Variants in CERS1 observed in about 807,000 individuals in gnomAD.
CERS1 encodes ceramide synthase 1, also known as Embryonic growth/differentiation factor 1.
Under a neutral mutation model 35.7 loss-of-function variants are expected in CERS1, and 16 were observed. The ratio of observed to expected loss-of-function variants is 0.45; its 90% CI spans 0.30 to 0.68. The LOEUF (loss-of-function observed/expected upper bound fraction) is 0.68. Ranked by LOEUF, CERS1 falls within the 30% of genes least tolerant of loss-of-function variation. The pLI is 0.08. For missense variants in CERS1, 454 were observed against 453.9 expected, an observed-to-expected ratio of 1.00 and a Z score of 0.00; for synonymous variants, 243 against 201.6, an observed-to-expected ratio of 1.21 and a Z score of -1.74.
intron 2 of CERS1, among the ~76,000 whole-genome samples, chr19:18,886,346 A>G (rs924928279): frequency 1.4e-4 from 22 of 152,110 alleles, no homozygotes; most frequent in Admixed American, 6.6e-4. Context: ...TCAGGAGATC[A>G]AGACCATCCT....
intron 2 of CERS1, among the ~76,000 whole-genome samples, chr19:18,885,501 G>A (rs1601175180): frequency 1.5e-5 from 2 of 136,264 alleles, no homozygotes; most frequent in African/African-American, 2.9e-5. Context: ...CCAGCCCAGC[G>A]CCCCTTCTCG....
chr19:18,871,223 ATTTTT>A (rs572877061), intron 6 of CERS1, among the ~76,000 whole-genome samples: 4 of 119,828 alleles, frequency 3.3e-5, no homozygotes, highest in Admixed American at 8.5e-5. Flanking sequence ...ACTCCCAGCA[ATTTTT>A]TTTTTTTTTT....
chr19:18,893,900 G>T (rs2056560037), intron 1 of CERS1, among the ~76,000 whole-genome samples: 1 of 151,586 alleles, frequency 6.6e-6, no homozygotes, highest in Non-Finnish European at 1.5e-5. Context: ...GCCCAAGGGA[G>T]TTGGGCTGGT....
Position 18,869,146 on chromosome 19 carries a change from C to T in CERS1, c.*839G>A. 8.9e-7 allele frequency: 1 copy of T among 1,118,208 alleles called. No individual in the cohort carries two copies. The highest frequency in any genetic ancestry group is 1.1e-6 in the Non-Finnish European group (1 of 914,576). The allele number at this position is 1,118,208 out of a possible 1,614,324, so 69.3% of individuals were successfully genotyped here. ...GCAGCTCCGCGCGCACTGGCGGCCCCAGGGCGGGCACCAACTGGCGGAGCA... is the reference window on the plus strand; with the variant it reads ...GCAGCTCCGCGCGCACTGGCGGCCCTAGGGCGGGCACCAACTGGCGGAGCA... On this transcript the variant is annotated 3_prime_UTR_variant, in exon 8 of 8. Transcript: ENST00000623882.
intron 2 of CERS1, among the ~76,000 whole-genome samples, chr19:18,893,074 C>G (rs559413646): frequency 2.6e-5 from 4 of 151,988 alleles, no homozygotes; most frequent in African/African-American, 7.2e-5. Context: ...CCACCACACC[C>G]GGCTAATTTT....
intron 4 of CERS1, 78 bp from the exon 5 acceptor site, chr19:18,879,466 AC>A (rs1601163066): frequency 6.7e-7 from 1 of 1,496,526 alleles, no homozygotes; most frequent in Non-Finnish European, 9.0e-7. Context: ...CCCGTCCTAG[AC>A]CCACCCTTGC....
chr19:18,882,443 G>A (rs1410089205), intron 3 of CERS1, among the ~76,000 whole-genome samples: 1 of 151,308 alleles, frequency 6.6e-6, no homozygotes, highest in African/African-American at 2.4e-5. Flanking sequence ...GTCCAGCCTG[G>A]CCAACATGGT....
In CERS1 at chr19:18,870,756, C is replaced by T. The variant is rs559519974; in HGVS notation, c.1011-137G>A. On this transcript the variant is annotated intron_variant, in intron 6 of 7. Coordinates refer to ENST00000623882, the MANE Select transcript of CERS1 (RefSeq NM_021267.5). This position sits in a 1 kb window ranked among gnomAD's most constrained non-coding sequence, Gnocchi z 5.1. The stretch of plus-strand genomic sequence containing the variant: ...AGGCCCGGGCCTCGCCTTGTGGCTT[C>T]CTCCTCGCCTTCACCCTGCCCCTCC... 1 of 442,718 alleles carries T rather than the reference C, an allele frequency of 2.3e-6. No homozygotes were observed. The highest frequency in any genetic ancestry group is 4.1e-6 in the Non-Finnish European group (1 of 245,146). The allele number at this position is 442,718 out of a possible 1,614,324, so 27.4% of individuals were successfully genotyped here. A position where few individuals can be genotyped will look rare whatever the true frequency, so the allele number is the denominator to read the frequency against.
At chr19:18,891,628 A>G (rs2056493267) in intron 2 of CERS1, among the ~76,000 whole-genome samples, 1 of 152,126 alleles carries the variant, frequency 6.6e-6, no homozygotes, top group Non-Finnish European at 1.5e-5. Context: ...CCCAGGCTGG[A>G]GTGCAGTGGC....
At chr19:18,879,067 G>A (rs766604679) in intron 5 of CERS1, 28 bp from the exon 6 acceptor site, 1 of 1,609,952 alleles carries the variant, frequency 6.2e-7, no homozygotes. Flanking sequence ...AGGTGCCAGT[G>A]AGAAGAAAGC....
At position 18,880,300 on chromosome 19, in the gene CERS1, C is replaced by T; in HGVS notation, c.726G>A (p.Leu242=). The change falls in exon 4 of 8, where the codon TTG becomes TTA. Residue 242 remains leucine, a synonymous_variant. Transcript: ENST00000623882. ...AGCTGAAGCCGAAGCTGAGGCAGCC[C>T]AAGTCTGCTGCCAAGGCATGCAGCC... ...YHRLHALAAD[L]GCLSFGFSWF... is the part of the protein sequence containing the mutation. The T allele has an allele frequency of 6.4e-7, 1 of 1,552,268 alleles. No individual in the cohort carries two copies. The highest frequency in any genetic ancestry group is 2.0e-5 in the Admixed American group (1 of 51,114).
chr19:18,872,244 T>C (rs1204134418), intron 6 of CERS1, among the ~76,000 whole-genome samples: 2 of 152,260 alleles, frequency 1.3e-5, no homozygotes, highest in African/African-American at 4.8e-5. Flanking sequence ...AGCTTCAAAG[T>C]GTTCTCTACC....
intron 2 of CERS1, among the ~76,000 whole-genome samples, chr19:18,886,583 C>A (rs1422329624): frequency 6.6e-6 from 1 of 151,946 alleles, no homozygotes; most frequent in Non-Finnish European, 1.5e-5. Flanking sequence ...AAACAAACAA[C>A]AAAAAAAGGC....
intron 3 of CERS1, among the ~76,000 whole-genome samples, chr19:18,881,502 G>A (rs1439363921): frequency 1.3e-5 from 2 of 152,022 alleles, no homozygotes; most frequent in Non-Finnish European, 2.9e-5. Context: ...TTACAGGTGT[G>A]AGCCACCGTG....
chr19:18,869,095 G>T lies in CERS1; in HGVS notation c.*890C>A. 1 of 1,077,104 alleles carries T rather than the reference G, an allele frequency of 9.3e-7. No homozygotes were observed. Among genetic ancestry groups the T allele is most frequent in the South Asian group, 3.4e-5 (1 of 29,218 alleles). 66.7% of individuals were successfully genotyped at this position (1,077,104 alleles called of 1,614,324 possible). A position where few individuals can be genotyped will look rare whatever the true frequency, so the allele number is the denominator to read the frequency against. On this transcript the variant is annotated 3_prime_UTR_variant, in exon 8 of 8. Transcript: ENST00000623882. ...CCAGGCGGAGGCTGCGCGGCCATGA[G>T]GCGTTGCGAGCCCAAGCGGCGCCCA...
chr19:18,885,232 G>T (rs1452180547), intron 2 of CERS1, among the ~76,000 whole-genome samples: 1 of 151,984 alleles, frequency 6.6e-6, no homozygotes, highest in Non-Finnish European at 1.5e-5. Context: ...GAGTTGGCTT[G>T]TTCTGTGGCC....
chr19:18,892,470 C>T (rs994182751), intron 2 of CERS1, among the ~76,000 whole-genome samples: 2 of 151,852 alleles, frequency 1.3e-5, no homozygotes, highest in Admixed American at 1.3e-4. Context: ...AAAAATTAGC[C>T]GGGCGTGGTG....
chr19:18,879,839 C>T (rs1428546372), intron 4 of CERS1, among the ~76,000 whole-genome samples: 2 of 149,190 alleles, frequency 1.3e-5, no homozygotes, highest in Admixed American at 6.7e-5. Flanking sequence ...TCCTTCCCTG[C>T]ACAGCGCCTC....
At position 18,868,677 on chromosome 19, in the gene CERS1, C is replaced by T. The variant is rs1215300649; in HGVS notation, c.*1308G>A. ...TTGTCGCTGTTGTCAAAGAAGAGCA[C>T]GGAGATGGGCGACAGGCGCGCGGGC... On this transcript the variant is annotated 3_prime_UTR_variant, in exon 8 of 8. Transcript: ENST00000623882. 5 of 1,570,854 alleles carry T rather than the reference C, an allele frequency of 3.2e-6. No individual in the cohort carries two copies. Among genetic ancestry groups the T allele is most frequent in the Admixed American group, 3.7e-5 (2 of 54,096 alleles).
Sources: allele counts gnomAD v4.1 joint callset (sites outside exome capture counted in the v4.1 genomes callset), GRCh38; gene constraint gnomAD v4.1.1; non-coding constraint Gnocchi (gnomAD v3.1); transcripts MANE v1.5; gene names NCBI Gene and HGNC (gene_info 2026-07-23, HGNC 2026-07-21).